The following EML6 variants were observed in gnomAD, a reference collection of about 807,000 sequenced individuals.
The protein encoded by EML6 is echinoderm microtubule-associated protein-like 6.
A neutral mutation model predicts 240.1 loss-of-function variants in EML6; 154 were observed. The ratio of observed to expected loss-of-function variants is 0.64; its 90% CI spans 0.56 to 0.73. EML6 has a LOEUF of 0.73. EML6 is among the 30% of genes least tolerant of loss of function. EML6 has a pLI of 0.00. For synonymous variants in EML6, 1,148 were observed against 899.0 expected (o/e 1.28, Z -4.95); for missense variants, 2,964 against 2,474.6 (o/e 1.20, Z -4.20).
At chr2:54,935,174 C>T (rs1019013715) in intron 28 of EML6, among the ~76,000 whole-genome samples, 2 of 152,028 alleles carry the variant, frequency 1.3e-5, no homozygotes, top group African/African-American at 4.8e-5. Flanking sequence ...GTTGGGTGTA[C>T]GTGTCGTTTT....
At position 54,837,632 on chromosome 2, in the gene EML6, C is replaced by G. The variant is rs146063378; in HGVS notation, c.848-6415C>G. Among the ~76,000 whole-genome samples, 111 of 152,336 alleles carry G rather than the reference C, an allele frequency of 7.3e-4. 1 individual carries two copies. The highest frequency in any genetic ancestry group is 2.6e-3 in the African/African-American group (107 of 41,584). On this transcript the variant is annotated intron_variant, in intron 7 of 41. Coordinates refer to ENST00000356458, the MANE Select transcript of EML6 (RefSeq NM_001039753.4). ...TGGGGTAGAGTTTGCCAGCATGTGA[C>G]TGAAGAACCACTGCATTAGAATCAG...
At chr2:54,752,465 CT>C (rs1185132107) in intron 2 of EML6, among the ~76,000 whole-genome samples, 9 of 152,284 alleles carry the variant, frequency 5.9e-5, no homozygotes, top group African/African-American at 1.9e-4. Context: ...TCATTATGCC[CT>C]CTTGAAGATA....
intron 26 of EML6, 27 bp downstream of exon 26, chr2:54,916,962 C>G: frequency 2.7e-6 from 4 of 1,489,898 alleles, no homozygotes; most frequent in Admixed American, 2.0e-5. Context: ...ATTATCTTTA[C>G]TTGCTCAGTC....
At chr2:54,968,587 G>A in intron 40 of EML6, 81 bp from the exon 41 acceptor site, 4 of 827,826 alleles carry the variant, frequency 4.8e-6, no homozygotes, top group Non-Finnish European at 8.1e-6. Context: ...TGGGAGCAGG[G>A]GATTTGAGTG....
intron 14 of EML6, chr2:54,867,253 GTA>G (rs1671022006): frequency 2.5e-5 from 4 of 160,544 alleles, no homozygotes; most frequent in Admixed American, 1.9e-4. Flanking sequence ...CCATAGGACA[GTA>G]TTTTCTTCAA....
chr2:54,924,386 GA>G (rs1161635711), intron 26 of EML6, among the ~76,000 whole-genome samples: 1 of 146,880 alleles, frequency 6.8e-6, no homozygotes, highest in Non-Finnish European at 1.5e-5. Flanking sequence ...ACTATTTGGG[GA>G]AGTATCTGTA....
chr2:54,815,021 C>T (rs935534202), intron 3 of EML6, among the ~76,000 whole-genome samples: 1 of 152,136 alleles, frequency 6.6e-6, no homozygotes, highest in Non-Finnish European at 1.5e-5. Flanking sequence ...TAAATGTATG[C>T]TTATGTCTGT....
At chr2:54,861,173 A>G (rs571082821) in intron 12 of EML6, among the ~76,000 whole-genome samples, 1 of 152,200 alleles carries the variant, frequency 6.6e-6, no homozygotes, top group African/African-American at 2.4e-5. Context: ...AGAGCTCAGC[A>G]CTTCATGAGC....
intron 3 of EML6, among the ~76,000 whole-genome samples, chr2:54,815,313 C>G (rs1189209360): frequency 1.3e-5 from 2 of 152,132 alleles, no homozygotes; most frequent in Non-Finnish European, 2.9e-5. Flanking sequence ...GATTTCCTGG[C>G]TTGTTGATGG....
chr2:54,970,236 G>T lies in EML6; in HGVS notation c.*141G>T, dbSNP rs1263581672. On this transcript the variant is annotated 3_prime_UTR_variant, in exon 42 of 42. Transcript: ENST00000356458. ...GGATGCACAAGCTCAAAACGCTGCA[G>T]AAGTTACACAACTGCTCCCATAATC... 1 of 797,284 alleles carries T rather than the reference G, an allele frequency of 1.3e-6. No individual in the cohort carries two copies. Among genetic ancestry groups the T allele is most frequent in the East Asian group, 2.7e-5 (1 of 37,338 alleles). The allele number at this position is 797,284 out of a possible 1,614,324, so 49.4% of individuals were successfully genotyped here.
At chr2:54,954,262 C>G (rs1324864268) in intron 32 of EML6, 106 bp downstream of exon 32, 1 of 994,346 alleles carries the variant, frequency 1.0e-6, no homozygotes, top group Non-Finnish European at 1.5e-6. Flanking sequence ...GCCGTAGGCA[C>G]TGACTGCTGC....
At chr2:54,798,710 T>C (rs1669951119) in intron 2 of EML6, among the ~76,000 whole-genome samples, 1 of 152,224 alleles carries the variant, frequency 6.6e-6, no homozygotes, top group Admixed American at 6.5e-5. Flanking sequence ...TGTAGATTAA[T>C]TAGGATACAC....
chr2:54,871,425 T>A, intron 15 of EML6, 75 bp from the exon 16 acceptor site: 1 of 1,105,016 alleles, frequency 9.0e-7, no homozygotes, highest in Non-Finnish European at 1.3e-6. Context: ...TTCTGAGCAG[T>A]GTTGGACTCT....
In EML6 at chr2:54,971,754, G is replaced by A. The variant is rs1677025211; in HGVS notation, c.*1659G>A. ...TTGTACTAGACTCTTCATGCTGATC[G>A]GATCTTGCATTGAAATAACCATGTG... On this transcript the variant is annotated 3_prime_UTR_variant, in exon 42 of 42. Coordinates refer to ENST00000356458, the MANE Select transcript of EML6 (RefSeq NM_001039753.4). The A allele has an allele frequency of 6.6e-6, 1 of 152,106 alleles. No individual in the cohort carries two copies. Among genetic ancestry groups the A allele is most frequent in the Admixed American group, 6.5e-5 (1 of 15,268 alleles). 9.4% of individuals were successfully genotyped at this position (152,106 alleles called of 1,614,324 possible). A position where few individuals can be genotyped will look rare whatever the true frequency, so the allele number is the denominator to read the frequency against.
At chr2:54,919,755 G>T (rs1385474369) in intron 26 of EML6, among the ~76,000 whole-genome samples, 1 of 152,146 alleles carries the variant, frequency 6.6e-6, no homozygotes, top group African/African-American at 2.4e-5. Context: ...CATCTTGCTA[G>T]TACTTCCCCT....
chr2:54,963,309 T>TG (rs1676607672), intron 36 of EML6, among the ~76,000 whole-genome samples: 1 of 152,248 alleles, frequency 6.6e-6, no homozygotes, highest in Admixed American at 6.5e-5. Context: ...TGAGTATGGT[T>TG]GCTAGACTTT....
rs778699203 is a variant in EML6 at position 54,960,225 on chromosome 2, A to C, written c.4859A>C (p.Lys1620Thr). The C allele has an allele frequency of 1.9e-6, 3 of 1,550,832 alleles. No individual in the cohort carries two copies. The highest frequency in any genetic ancestry group is 2.6e-6 in the Non-Finnish European group (3 of 1,146,430). The change falls in exon 35 of 42, where the codon AAA becomes ACA. Residue 1620 changes from lysine (K) to threonine (T), a missense_variant. Lys to Thr is a moderately conservative substitution (Grantham distance 78, BLOSUM62 -1). Coordinates refer to ENST00000356458, the MANE Select transcript of EML6 (RefSeq NM_001039753.4). Reference protein sequence around the residue: ...IVTGGKERPTKEGGAVKLWDQ... With the variant: ...IVTGGKERPTTEGGAVKLWDQ... ...TCCCTTTCAATCTTTTTTAGGACCA[A>C]AGAAGGAGGTGCTGTAAAATTGTGG... is the stretch of plus-strand genomic sequence containing the variant.
At chr2:54,799,493 C>T (rs891154786) in intron 2 of EML6, among the ~76,000 whole-genome samples, 1 of 151,298 alleles carries the variant, frequency 6.6e-6, no homozygotes, top group Non-Finnish European at 1.5e-5. Flanking sequence ...TTACAGGTGC[C>T]CACCACCACG....
chr2:54,865,333 A>AAC (rs1558628497), intron 13 of EML6, among the ~76,000 whole-genome samples: 1 of 150,682 alleles, frequency 6.6e-6, no homozygotes, highest in Non-Finnish European at 1.5e-5. Context: ...AAAAAAAAAA[A>AAC]AAACTGCTGG....
Sources: allele counts gnomAD v4.1 joint callset (sites outside exome capture counted in the v4.1 genomes callset), GRCh38; gene constraint gnomAD v4.1.1; transcripts MANE v1.5; gene names NCBI Gene and HGNC (gene_info 2026-07-23, HGNC 2026-07-21).